Variants in PROCR observed in about 807,000 individuals in gnomAD.
PROCR encodes protein C receptor, also known as endothelial protein C receptor.
A neutral mutation model predicts 24.2 loss-of-function variants in PROCR; 22 were observed. That is an observed-to-expected ratio of 0.91 (90% CI 0.65 to 1.30). The LOEUF (loss-of-function observed/expected upper bound fraction) is 1.30. Ranked by LOEUF, PROCR falls within the 50% of genes most tolerant of loss-of-function variation. PROCR has a pLI of 0.00. For synonymous variants in PROCR, 137 were observed against 139.2 expected, an observed-to-expected ratio of 0.98 and a Z score of 0.11; for missense variants, 288 against 307.7, an observed-to-expected ratio of 0.94 and a Z score of 0.48.
At chr20:35,176,555 G>A in intron 3 of PROCR, 109 bp downstream of exon 3, 2 of 1,597,576 alleles carry the variant, frequency 1.3e-6, no homozygotes, top group Non-Finnish European at 8.5e-7. Context: ...CCACAGCTGG[G>A]GGTTTGGGAC....
chr20:35,195,526 A>G (rs1347926914), intron 1 of PROCR: 1 of 152,224 alleles, frequency 6.6e-6, no homozygotes, highest in African/African-American at 2.4e-5. Flanking sequence ...ATAAGAATAA[A>G]GAATGTGATG....
chr20:35,209,366 G>C (rs116629357), intron 1 of PROCR, among the ~76,000 whole-genome samples: 3 of 152,252 alleles, frequency 2.0e-5, no homozygotes, highest in Non-Finnish European at 2.9e-5. Flanking sequence ...TATGAACTTG[G>C]CTTTGGCTTT....
chr20:35,194,407 G>T (rs1455700831), intron 1 of PROCR, among the ~76,000 whole-genome samples: 1 of 152,124 alleles, frequency 6.6e-6, no homozygotes, highest in East Asian at 1.9e-4. Context: ...CACTTACAGG[G>T]ATAATCAATA....
rs1286652075 is a variant in PROCR, at chr20:35,175,096, C to G, written c.322+143C>G. The G allele has an allele frequency of 7.9e-6, 8 of 1,011,930 alleles. No homozygotes were observed. In the East Asian group the frequency reaches 1.7e-4, roughly 21 times the overall value. The allele number at this position is 1,011,930 out of a possible 1,614,324, so 62.7% of individuals were successfully genotyped here. On this transcript the variant is annotated intron_variant, in intron 2 of 3. Coordinates refer to ENST00000216968, the MANE Select transcript of PROCR (RefSeq NM_006404.5). The stretch of plus-strand genomic sequence containing the variant: ...CACTGGAGCTCGGTGGCGCCTGGGC[C>G]TTTGAAGATTGCTGGGTGGGGGCTG...
chr20:35,201,180 ACC>A (rs2060316821), intron 1 of PROCR, among the ~76,000 whole-genome samples: 1 of 150,436 alleles, frequency 6.6e-6, no homozygotes. Flanking sequence ...AAAAAAAAAA[ACC>A]ACAAAAGATA....
rs530856702 is a variant in PROCR at position 35,186,885 on chromosome 20, G to A, written c.94+10439G>A. ...GGAGAATGGCGTGAACCTGGGAGGC[G>A]GAGGTTGCAGTGAGTGGAGATTGCG... On this transcript the variant is annotated intron_variant, in intron 1 of 1. Coordinates refer to the PROCR transcript ENST00000634509. Among the ~76,000 whole-genome samples, 15 of 151,242 alleles carry A rather than the reference G, an allele frequency of 9.9e-5. No homozygotes were observed. The South Asian group carries it at 2.3e-3, about 23-fold the overall frequency.
In PROCR at chr20:35,176,152, G is replaced by C; in HGVS notation, c.323-16G>C. 1.2e-6 allele frequency: 2 copies of C among 1,612,694 alleles called. No individual in the cohort carries two copies. Among genetic ancestry groups the C allele is most frequent in the South Asian group, 2.2e-5 (2 of 91,010 alleles). On this transcript the variant is annotated splice_polypyrimidine_tract_variant and intron_variant, in intron 2 of 3. Transcript: ENST00000216968. The stretch of plus-strand genomic sequence containing the variant: ...CCTCTCTGCACAGTCCCCTGACCCT[G>C]ACTGTCTATCCACAGTTCCTCTGAC...
At chr20:35,192,345 T>G (rs1040014919) in intron 1 of PROCR, among the ~76,000 whole-genome samples, 1 of 152,086 alleles carries the variant, frequency 6.6e-6, no homozygotes, top group Non-Finnish European at 1.5e-5. Flanking sequence ...ACAGGTTTAT[T>G]CTGAATAAAC....
At chr20:35,171,238 A>G (rs1811479175), upstream of PROCR, among the ~76,000 whole-genome samples, 1 of 152,176 alleles carries the variant, frequency 6.6e-6, no homozygotes, top group African/African-American at 2.4e-5. Flanking sequence ...CGCATTTTAC[A>G]CTGCTATCCA....
At chr20:35,183,553 TA>T (rs2086097467) in intron 1 of PROCR, among the ~76,000 whole-genome samples, 1 of 152,218 alleles carries the variant, frequency 6.6e-6, no homozygotes, top group Admixed American at 6.5e-5. Flanking sequence ...TTTTCTTTTA[TA>T]AATTAGCCAC....
At chr20:35,172,825 G>A (rs1025286531) in intron 1 of PROCR, among the ~76,000 whole-genome samples, 1 of 152,054 alleles carries the variant, frequency 6.6e-6, no homozygotes, top group Non-Finnish European at 1.5e-5. Flanking sequence ...AATTGCACAG[G>A]GGCCTCCTTT....
At chr20:35,172,806 C>T (rs1745139857) in intron 1 of PROCR, among the ~76,000 whole-genome samples, 1 of 152,068 alleles carries the variant, frequency 6.6e-6, no homozygotes, top group African/African-American at 2.4e-5. Flanking sequence ...AGTTATTACC[C>T]TCCATTATAA....
chr20:35,178,507 GTT>G (rs1203789471), downstream of PROCR, among the ~76,000 whole-genome samples: 8 of 34,376 alleles, frequency 2.3e-4, 2 homozygotes, highest in Admixed American at 9.2e-4. Context: ...TCAAGTCTCA[GTT>G]TTTTTTTTTT....
In PROCR at chr20:35,198,755, C is replaced by T. The variant is rs377185845; in HGVS notation, c.95-17138C>T. On this transcript the variant is annotated intron_variant, in intron 1 of 1. Transcript: ENST00000634509. ...TTTGAGATGGAGTCTCACTCTGTCA[C>T]CCAGGCTGGTGTGCAGTGGTGCAAT... Among the ~76,000 whole-genome samples, 12 of 151,492 alleles carry T rather than the reference C, an allele frequency of 7.9e-5. No individual in the cohort carries two copies. In the East Asian group the frequency reaches 1.9e-3, roughly 24 times the overall value.
rs2085957947 is a variant in PROCR, at chr20:35,172,168, T to C, written c.14T>C (p.Leu5Ser). The C allele has an allele frequency of 1.2e-6, 2 of 1,614,056 alleles. No homozygotes were observed. The highest frequency in any genetic ancestry group is 1.3e-5 in the African/African-American group (1 of 74,930). The change falls in exon 1 of 4, where the codon TTG becomes TCG. Residue 5 changes from leucine (L) to serine (S), a missense_variant. Coordinates refer to ENST00000216968, the MANE Select transcript of PROCR (RefSeq NM_006404.5). ...CTCAACTTCAGGATGTTGACAACAT[T>C]GCTGCCGATACTGCTGCTGTCTGGC... MLTT[L>S]LPILLLSGWA...
At chr20:35,187,499 A>G (rs1004817927) in intron 1 of PROCR, among the ~76,000 whole-genome samples, 6 of 152,238 alleles carry the variant, frequency 3.9e-5, no homozygotes, top group Non-Finnish European at 5.9e-5. Flanking sequence ...TTGCTGCTAC[A>G]TCATTCCATG....
chr20:35,191,476 A>ATTTTTT (rs2086173274), intron 1 of PROCR, among the ~76,000 whole-genome samples: 1 of 152,104 alleles, frequency 6.6e-6, no homozygotes, highest in Non-Finnish European at 1.5e-5. Flanking sequence ...TTTTTTTTTA[A>ATTTTTT]TGTCAGAGAT....
chr20:35,180,414 G>A (rs1311578726), downstream of PROCR, among the ~76,000 whole-genome samples: 5 of 152,170 alleles, frequency 3.3e-5, no homozygotes, highest in African/African-American at 4.8e-5. Flanking sequence ...GCCCTCACTC[G>A]GTGCCTAAGC....
chr20:35,205,272 C>CAATAATAAT (rs74173939), intron 1 of PROCR, among the ~76,000 whole-genome samples: 513 of 147,228 alleles, frequency 3.5e-3, no homozygotes, highest in East Asian at 0.024. Flanking sequence ...GACTCCATCT[C>CAATAATAAT]AATAATAATA....
Sources: allele counts gnomAD v4.1 joint callset (sites outside exome capture counted in the v4.1 genomes callset), GRCh38; gene constraint gnomAD v4.1.1; transcripts MANE v1.5; gene names NCBI Gene and HGNC (gene_info 2026-07-23, HGNC 2026-07-21).